AMMECR1L: variants seen among roughly 807,000 people sequenced by gnomAD.
The protein encoded by AMMECR1L is AMMECR1 like, also known as AMMECR1-like protein.
A neutral mutation model predicts 36.8 loss-of-function variants in AMMECR1L; 4 were observed. The observed-to-expected ratio is 0.11, with a 90% CI of 0.05 to 0.25. AMMECR1L has a LOEUF of 0.25. Among genes scored for constraint, AMMECR1L ranks in the 10% least tolerant of loss-of-function variants. The pLI is 1.00. For missense variants in AMMECR1L, 232 were observed against 392.1 expected, an observed-to-expected ratio of 0.59 and a Z score of 3.45; for synonymous variants, 147 against 148.0, an observed-to-expected ratio of 0.99 and a Z score of 0.05.
rs181882139 is a variant in AMMECR1L, at chr2:127,868,800, C to T, written c.724+654G>A. Among the ~76,000 whole-genome samples the T allele has an allele frequency of 5.5e-4, 84 of 152,076 alleles. 1 individual carries two copies. Among genetic ancestry groups the T allele is most frequent in the Middle Eastern group, 3.4e-3 (1 of 294 alleles). ...AGTGTAATGGCACGATCTTGGCTCA[C>T]TGCAACCTCTGCCTCCTGGGTTCAA... On this transcript the variant is annotated intron_variant, in intron 6 of 7. Transcript: ENST00000272647.
chr2:127,865,638 TAA>T lies in AMMECR1L; in HGVS notation c.822-435_822-434del, dbSNP rs1321507499. 6.6e-6 allele frequency among the ~76,000 whole-genome samples: 1 copy of T among 152,236 alleles called. No homozygotes were observed. The highest frequency in any genetic ancestry group is 1.5e-5 in the Non-Finnish European group (1 of 68,046). ...GACAGAAATGCAACCTCAATTCGCG[TAA>T]GAGCAACAAACAAGTTATTATAACT... On this transcript the variant is annotated intron_variant, in intron 7 of 7. Coordinates refer to ENST00000272647, the MANE Select transcript of AMMECR1L (RefSeq NM_001199140.2). This position sits in a 1 kb window ranked among gnomAD's most constrained non-coding sequence, Gnocchi z 5.4.
Position 127,865,459 on chromosome 2 carries a change from C to T in AMMECR1L, c.822-254G>A, listed in dbSNP as rs1476108304. ...GCACATCCCACCTTGAAACACTACACGTGCTTATCATCAGGCTGCTCGTAA... is the reference window on the plus strand; with the variant it reads ...GCACATCCCACCTTGAAACACTACATGTGCTTATCATCAGGCTGCTCGTAA... On this transcript the variant is annotated intron_variant, in intron 7 of 7. Transcript: ENST00000272647. The surrounding 1 kb of genome is among the most constrained non-coding windows in gnomAD (Gnocchi z 5.4). Among the ~76,000 whole-genome samples the T allele has an allele frequency of 3.3e-5, 5 of 152,010 alleles. No individual in the cohort carries two copies. The highest frequency in any genetic ancestry group is 1.2e-4 in the African/African-American group (5 of 41,372).
rs991335370 is a variant in AMMECR1L, at chr2:127,869,152, G to T, written c.724+302C>A. On this transcript the variant is annotated intron_variant, in intron 6 of 7. Transcript: ENST00000272647. This position sits in a 1 kb window ranked among gnomAD's most constrained non-coding sequence, Gnocchi z 4.7. ...CTACAATATGGTCAGGTTGATTGGT[G>T]GTATTTTGCTACAATTGCCACTGTA... is the stretch of plus-strand genomic sequence containing the variant. Among the ~76,000 whole-genome samples, 7 of 152,148 alleles carry T rather than the reference G, an allele frequency of 4.6e-5. No homozygotes were observed. The highest frequency in any genetic ancestry group is 7.3e-5 in the Non-Finnish European group (5 of 68,032).
chr2:127,883,190 G>A (rs543597824), intron 2 of AMMECR1L, among the ~76,000 whole-genome samples: 19 of 151,144 alleles, frequency 1.3e-4, no homozygotes, highest in Middle Eastern at 3.4e-3. Context: ...TCCACCTCCC[G>A]GGTTCAAGCG....
chr2:127,874,205 G>T lies in AMMECR1L; in HGVS notation c.30C>A (p.Leu10=), dbSNP rs201713365. 6.2e-7 allele frequency: 1 copy of T among 1,614,078 alleles called. No individual in the cohort carries two copies. Among genetic ancestry groups the T allele is most frequent in the Non-Finnish European group, 8.5e-7 (1 of 1,180,048 alleles). ...AACAGCCTGCTGCCAACTTGGGCTC[G>T]AGTGGAGGAACACAACGTCTTTTTC... The part of the protein sequence containing the change: MGKRRCVPP[L]EPKLAAGCCG... The change falls in exon 3 of 8, where the codon CTC becomes CTA. Residue 10 remains leucine, a synonymous_variant. Coordinates refer to ENST00000272647, the MANE Select transcript of AMMECR1L (RefSeq NM_001199140.2). This position sits in a 1 kb window ranked among gnomAD's most constrained non-coding sequence, Gnocchi z 5.2.
chr2:127,875,764 TCCCTCTCCTC>T (rs1475394597), intron 2 of AMMECR1L, among the ~76,000 whole-genome samples: 1 of 150,878 alleles, frequency 6.6e-6, no homozygotes, highest in East Asian at 1.9e-4. Context: ...CTTCTCTCTT[TCCCTCTCCTC>T]CCCTCTCCTC....
In AMMECR1L at chr2:127,862,872, T is replaced by C. The variant is rs1690526918; in HGVS notation, c.*2222A>G. 1 of 145,754 alleles carries C rather than the reference T, an allele frequency of 6.9e-6. No homozygotes were observed. Among genetic ancestry groups the C allele is most frequent in the African/African-American group, 2.5e-5 (1 of 40,742 alleles). 9.0% of individuals were successfully genotyped at this position (145,754 alleles called of 1,614,324 possible). On this transcript the variant is annotated 3_prime_UTR_variant, in exon 8 of 8. Transcript: ENST00000272647. ...GGTATCGTACCCCCCCTCGATAAAA[T>C]AAAATAAAATAAAATAAAATAATAA... is the stretch of plus-strand genomic sequence containing the variant.
chr2:127,862,144 C>G lies in AMMECR1L; in HGVS notation c.*2950G>C, dbSNP rs747844663. The G allele has an allele frequency of 1.3e-5, 2 of 153,602 alleles. No individual in the cohort carries two copies. The highest frequency in any genetic ancestry group is 2.9e-5 in the Non-Finnish European group (2 of 68,038). 9.5% of individuals were successfully genotyped at this position (153,602 alleles called of 1,614,324 possible). On this transcript the variant is annotated 3_prime_UTR_variant, in exon 8 of 8. Coordinates refer to ENST00000272647, the MANE Select transcript of AMMECR1L (RefSeq NM_001199140.2). ...GTAAAACAAGGACAATTCATAATTA[C>G]AGAGAGAATGTCCTAGCTGTGGGTA...
At chr2:127,882,901 A>AT (rs35596458) in intron 2 of AMMECR1L, among the ~76,000 whole-genome samples, 3,719 of 132,870 alleles carry the variant, frequency 0.028, 74 homozygotes, top group Middle Eastern at 0.047. Flanking sequence ...TGTGCCCAGA[A>AT]TTTTTTTTTT....
chr2:127,866,296 GCCTCAAA>G (rs1690681229), intron 7 of AMMECR1L, among the ~76,000 whole-genome samples: 1 of 152,126 alleles, frequency 6.6e-6, no homozygotes, highest in African/African-American at 2.4e-5. Context: ...CCTTAGCACA[GCCTCAAA>G]CAACTCTAAG....
Position 127,862,694 on chromosome 2 carries a change from G to C in AMMECR1L, c.*2400C>G, listed in dbSNP as rs1472599513. On this transcript the variant is annotated 3_prime_UTR_variant, in exon 8 of 8. Transcript: ENST00000272647. ...TTGCTGGACTTGTGTGGGAGCATGAGGGAATGTGCAGGGAGTAAGGCTTCT... is the reference window on the plus strand; with the variant it reads ...TTGCTGGACTTGTGTGGGAGCATGACGGAATGTGCAGGGAGTAAGGCTTCT... 1.3e-5 allele frequency: 2 copies of C among 152,678 alleles called. No individual in the cohort carries two copies. Among genetic ancestry groups the C allele is most frequent in the African/African-American group, 4.8e-5 (2 of 41,458 alleles). The allele number at this position is 152,678 out of a possible 1,614,324, so 9.5% of individuals were successfully genotyped here. A position where few individuals can be genotyped will look rare whatever the true frequency, so the allele number is the denominator to read the frequency against.
intron 6 of AMMECR1L, among the ~76,000 whole-genome samples, chr2:127,868,967 C>G (rs1007126346): frequency 1.3e-5 from 2 of 152,188 alleles, no homozygotes; most frequent in East Asian, 3.8e-4. Context: ...TTGTGATCCG[C>G]CCACCTTGGC....
At chr2:127,877,336 ATT>A (rs71394702) in intron 2 of AMMECR1L, among the ~76,000 whole-genome samples, 3,420 of 139,300 alleles carry the variant, frequency 0.025, 109 homozygotes, top group African/African-American at 0.084. Flanking sequence ...CAGCGCTAGA[ATT>A]TTTTTTTTTT....
Position 127,865,483 on chromosome 2 carries a change from A to G in AMMECR1L, c.822-278T>C, listed in dbSNP as rs2104741517. On this transcript the variant is annotated intron_variant, in intron 7 of 7. Transcript: ENST00000272647. This position sits in a 1 kb window ranked among gnomAD's most constrained non-coding sequence, Gnocchi z 5.4. ...ACGTGCTTATCATCAGGCTGCTCGT[A>G]AGCAATCCGCTACTGGGGTCTGGAT... Among the ~76,000 whole-genome samples the G allele has an allele frequency of 6.6e-6, 1 of 152,248 alleles. No homozygotes were observed. Among genetic ancestry groups the G allele is most frequent in the East Asian group, 1.9e-4 (1 of 5,194 alleles).
At position 127,865,429 on chromosome 2, in the gene AMMECR1L, T is replaced by C. The variant is rs1187381010; in HGVS notation, c.822-224A>G. ...CAATCACAATTCCCCCGAGAATGTG[T>C]TTCAGCACATCCCACCTTGAAACAC... is the stretch of plus-strand genomic sequence containing the variant. On this transcript the variant is annotated intron_variant, in intron 7 of 7. Transcript: ENST00000272647. The surrounding 1 kb of genome is among the most constrained non-coding windows in gnomAD (Gnocchi z 5.4). 6.6e-6 allele frequency among the ~76,000 whole-genome samples: 1 copy of C among 151,162 alleles called. No homozygotes were observed. The highest frequency in any genetic ancestry group is 1.5e-5 in the Non-Finnish European group (1 of 67,746).
intron 2 of AMMECR1L, among the ~76,000 whole-genome samples, chr2:127,880,770 GTA>G (rs1037719750): frequency 8.7e-6 from 1 of 114,904 alleles, no homozygotes; most frequent in Admixed American, 8.7e-5. Flanking sequence ...CCTACATACA[GTA>G]TACACACACA....
chr2:127,870,765 A>G, intron 5 of AMMECR1L, 49 bp downstream of exon 5: 1 of 1,488,178 alleles, frequency 6.7e-7, no homozygotes, highest in East Asian at 2.3e-5. Context: ...TACTAACCCG[A>G]ACCCAAATGC....
rs1449179845 is a variant in AMMECR1L, at chr2:127,864,778, A to T, written c.*316T>A. On this transcript the variant is annotated 3_prime_UTR_variant, in exon 8 of 8. Coordinates refer to ENST00000272647, the MANE Select transcript of AMMECR1L (RefSeq NM_001199140.2). The stretch of plus-strand genomic sequence containing the variant: ...AATTTCAGCTTCCAGCGTGTGGCCA[A>T]TACCCCATGTGGCAAATACCAGACA... 5.1e-6 allele frequency: 1 copy of T among 196,842 alleles called. No homozygotes were observed. Among genetic ancestry groups the T allele is most frequent in the East Asian group, 1.3e-4 (1 of 7,922 alleles). 12.2% of individuals were successfully genotyped at this position (196,842 alleles called of 1,614,324 possible).
intron 2 of AMMECR1L, among the ~76,000 whole-genome samples, chr2:127,877,497 G>A (rs929181287): frequency 2.6e-5 from 4 of 152,048 alleles, no homozygotes; most frequent in Admixed American, 2.6e-4. Context: ...CATCATGTCT[G>A]GCTAATTTTT....
Sources: gnomAD v4.1 joint callset for allele counts (sites outside exome capture counted in the v4.1 genomes callset) on GRCh38, gnomAD v4.1.1 for gene constraint, Gnocchi (gnomAD v3.1) non-coding constraint, MANE v1.5 for transcripts, NCBI Gene and HGNC (gene_info 2026-07-23, HGNC 2026-07-21) for gene names.